CYBB: variants seen among roughly 807,000 people sequenced by gnomAD.
CYBB encodes NADPH oxidase 2.
A neutral mutation model predicts 46.5 loss-of-function variants in CYBB; 5 were observed. The ratio of observed to expected loss-of-function variants is 0.11; its 90% CI spans 0.06 to 0.23. The LOEUF (loss-of-function observed/expected upper bound fraction) is 0.23. Among genes scored for constraint, CYBB ranks in the 10% least tolerant of loss-of-function variants. CYBB has a pLI of 1.00. For synonymous variants in CYBB, 183 were observed against 156.7 expected (o/e 1.17, Z -1.26); for missense variants, 307 against 428.3 (o/e 0.72, Z 2.50).
In CYBB at chrX:37,803,904, G is replaced by A. The variant is rs151344466; in HGVS notation, c.925G>A (p.Glu309Lys). ...KVVTHPFKTI[E>K]LQMKKKGFKM... The stretch of plus-strand genomic sequence containing the variant: ...GGTCACTCACCCTTTCAAAACCATC[G>A]AGCTACAGATGAAGAAGAAGGGGTT... The change falls in exon 9 of 13, where the codon GAG (glutamate) becomes AAG (lysine). Residue 309 changes from glutamate to lysine, a missense_variant. Glu to Lys is a moderately conservative substitution (Grantham distance 56, BLOSUM62 1). This residue lies in a region of CYBB where 122 missense variants were observed against 208.3 expected (regional missense o/e 0.59). Transcript: ENST00000378588. 8.3e-7 allele frequency: 1 copy of A among 1,209,855 alleles called. No homozygotes were observed. Among genetic ancestry groups the A allele is most frequent in the Non-Finnish European group, 1.1e-6 (1 of 894,176 alleles).
chrX:37,793,619 G>T, intron 4 of CYBB, 46 bp from the exon 5 acceptor site: 1 of 1,189,552 alleles, frequency 8.4e-7, no homozygotes, highest in Non-Finnish European at 1.1e-6. Flanking sequence ...CAATAAATTT[G>T]TTCATACCCT....
At chrX:37,796,304 T>C (rs782158681) in intron 6 of CYBB, among the ~76,000 whole-genome samples, 163 bp downstream of exon 6, 5 of 111,793 alleles carry the variant, frequency 4.5e-5, no homozygotes, top group African/African-American at 1.6e-4. Context: ...CCAGTCAACA[T>C]TGGCATTTTT....
In CYBB at chrX:37,810,957, C is replaced by T; in HGVS notation, c.*40C>T. ...GAGGAAATAAATGTGGGTTGTGCTG[C>T]CAAATGCTCAAATAATGCTAATTGA... On this transcript the variant is annotated 3_prime_UTR_variant, in exon 13 of 13. Coordinates refer to ENST00000378588, the MANE Select transcript of CYBB (RefSeq NM_000397.4). The T allele has an allele frequency of 8.7e-7, 1 of 1,155,632 alleles. No individual in the cohort carries two copies. The highest frequency in any genetic ancestry group is 1.2e-6 in the Non-Finnish European group (1 of 847,869).
intron 6 of CYBB, among the ~76,000 whole-genome samples, chrX:37,798,582 A>G (rs1304105550): frequency 8.9e-6 from 1 of 111,756 alleles, no homozygotes; most frequent in Non-Finnish European, 1.9e-5. Context: ...CCATTTTCTA[A>G]TTTGCACAAA....
chrX:37,801,583 C>T (rs1191154487), intron 8 of CYBB, among the ~76,000 whole-genome samples: 2 of 85,603 alleles, frequency 2.3e-5, no homozygotes, highest in African/African-American at 8.8e-5. Flanking sequence ...TCTCCCCCAC[C>T]CATTGTGTGT....
chrX:37,806,643 T>C (rs1473199567), intron 11 of CYBB, 110 bp downstream of exon 11: 3 of 725,003 alleles, frequency 4.1e-6, no homozygotes, highest in Non-Finnish European at 6.2e-6. Flanking sequence ...GTATGTTTAG[T>C]GGATTTGGTG....
rs782095196 is a variant in CYBB, at chrX:37,783,264, A to G, written c.142-226A>G. On this transcript the variant is annotated intron_variant, in intron 2 of 12. Coordinates refer to ENST00000378588, the MANE Select transcript of CYBB (RefSeq NM_000397.4). ...TCCTTCAACTTGTCTTTATGTTTGAACATTTTAATAATAAAATGTTGAATT... is the reference window on the plus strand; with the variant it reads ...TCCTTCAACTTGTCTTTATGTTTGAGCATTTTAATAATAAAATGTTGAATT... Among the ~76,000 whole-genome samples the G allele has an allele frequency of 4.5e-5, 5 of 111,925 alleles. No individual in the cohort carries two copies. The East Asian group carries it at 1.4e-3, about 31-fold the overall frequency.
In CYBB at chrX:37,812,587, G is replaced by C. The variant is rs1307625106; in HGVS notation, c.*1670G>C. On this transcript the variant is annotated 3_prime_UTR_variant, in exon 13 of 13. Coordinates refer to ENST00000378588, the MANE Select transcript of CYBB (RefSeq NM_000397.4). ...ATTGATGTTGTTTTGATTATCTATG[G>C]TATTGAATCTTTTAAAATCTGGTCA... 8.9e-6 allele frequency: 1 copy of C among 111,835 alleles called. No homozygotes were observed. Among genetic ancestry groups the C allele is most frequent in the Non-Finnish European group, 1.9e-5 (1 of 53,150 alleles). The allele number at this position is 111,835 out of a possible 1,213,427, so 9.2% of individuals were successfully genotyped here. A position where few individuals can be genotyped will look rare whatever the true frequency, so the allele number is the denominator to read the frequency against.
chrX:37,795,818 T>C lies in CYBB; in HGVS notation c.484-133T>C, dbSNP rs1602179741. On this transcript the variant is annotated intron_variant, in intron 5 of 12. Transcript: ENST00000378588. ...ATTATTCAAAGAGGGGGTGAAAATA[T>C]CTATTGTTCTATACATTGGACACTT... The C allele has an allele frequency of 6.3e-6, 3 of 477,317 alleles. No homozygotes were observed. The East Asian group carries it at 1.1e-4, about 17-fold the overall frequency. The allele number at this position is 477,317 out of a possible 1,213,427, so 39.3% of individuals were successfully genotyped here. A position where few individuals can be genotyped will look rare whatever the true frequency, so the allele number is the denominator to read the frequency against.
chrX:37,804,144 A>G lies in CYBB; in HGVS notation c.1151+14A>G. ...GAAACTACCTAAGTGAGTAAAAAGT[A>G]CATATTACCAACGTATATGAGTTCA... On this transcript the variant is annotated intron_variant, in intron 9 of 12. Transcript: ENST00000378588. The G allele has an allele frequency of 8.3e-7, 1 of 1,207,909 alleles. No individual in the cohort carries two copies. The highest frequency in any genetic ancestry group is 1.1e-6 in the Non-Finnish European group (1 of 892,311).
Position 37,789,112 on chromosome X carries a change from T to C in CYBB, c.253-2863T>C, listed in dbSNP as rs1929138601. On this transcript the variant is annotated intron_variant, in intron 3 of 12. Coordinates refer to ENST00000378588, the MANE Select transcript of CYBB (RefSeq NM_000397.4). The stretch of plus-strand genomic sequence containing the variant: ...CTAGGGTCCACTCAAATCCTAGATG[T>C]TCCTGCATTCCCTGCCACATGCCCT... Among the ~76,000 whole-genome samples, 3 of 111,275 alleles carry C rather than the reference T, an allele frequency of 2.7e-5. No individual in the cohort carries two copies. In the Admixed American group the frequency reaches 2.9e-4, roughly 11 times the overall value.
At chrX:37,782,215 G>C (rs1209513876) in intron 2 of CYBB, 32 bp downstream of exon 2, 2 of 936,355 alleles carry the variant, frequency 2.1e-6, no homozygotes, top group Admixed American at 4.4e-5. Context: ...TGCAATATTG[G>C]CTGGTTCACA....
chrX:37,782,022 T>C, intron 1 of CYBB, 66 bp from the exon 2 acceptor site: 1 of 921,841 alleles, frequency 1.1e-6, no homozygotes, highest in Non-Finnish European at 1.6e-6. Flanking sequence ...CTTATCTGAC[T>C]CCAGTCTTGT....
Position 37,809,556 on chromosome X carries a change from C to A in CYBB, c.1462-11C>A. 8.4e-7 allele frequency: 1 copy of A among 1,194,002 alleles called. No individual in the cohort carries two copies. Among genetic ancestry groups the A allele is most frequent in the Non-Finnish European group, 1.1e-6 (1 of 885,190 alleles). ...TCTCTTTTTTTTCTGAATTCATGTC[C>A]TTTCCTGTAGGCCAATCACTTTGCT... On this transcript the variant is annotated splice_polypyrimidine_tract_variant and intron_variant, in intron 11 of 12. Transcript: ENST00000378588.
At chrX:37,801,129 A>G (rs1556469782) in intron 7 of CYBB, 127 bp from the exon 8 acceptor site, 1 of 532,558 alleles carries the variant, frequency 1.9e-6, no homozygotes, top group Non-Finnish European at 3.4e-6. Context: ...AAATTTATTT[A>G]TCTAATGTCA....
chrX:37,793,850 A>G (rs782203572), intron 5 of CYBB, 40 bp downstream of exon 5: 3 of 1,150,565 alleles, frequency 2.6e-6, no homozygotes, highest in Non-Finnish European at 3.5e-6. Flanking sequence ...TCTCTAGGCC[A>G]TTACAATTGA....
intron 5 of CYBB, 72 bp downstream of exon 5, chrX:37,793,882 A>C: frequency 9.6e-7 from 1 of 1,040,760 alleles, no homozygotes; most frequent in Admixed American, 2.3e-5. Flanking sequence ...CAGTGAGTGA[A>C]GACCTCTCCT....
chrX:37,804,910 A>G, intron 9 of CYBB, 96 bp from the exon 10 acceptor site: 1 of 898,240 alleles, frequency 1.1e-6, no homozygotes, highest in East Asian at 3.1e-5. Flanking sequence ...TCCAATTTGA[A>G]TTAACATGTT....
intron 11 of CYBB, 98 bp from the exon 12 acceptor site, chrX:37,809,469 G>C: frequency 1.0e-6 from 1 of 974,019 alleles, no homozygotes; most frequent in Admixed American, 2.6e-5. Context: ...CATCCAGCAG[G>C]GTGCCTTGGT....
Sources: allele counts gnomAD v4.1 joint callset (sites outside exome capture counted in the v4.1 genomes callset), GRCh38; gene constraint gnomAD v4.1.1; regional missense constraint gnomAD v4.1.1; transcripts MANE v1.5; gene names NCBI Gene and HGNC (gene_info 2026-07-23, HGNC 2026-07-21).